The following PSD variants were observed in gnomAD, a reference collection of about 807,000 sequenced individuals.
The protein encoded by PSD is PH and SEC7 domain-containing protein 1.
In PSD, 32 loss-of-function variants were observed where a neutral mutation model predicts 91.6. That is an observed-to-expected ratio of 0.35 (90% CI 0.26 to 0.47). The LOEUF is 0.47. Ranked by LOEUF, PSD falls within the 20% of genes least tolerant of loss-of-function variation. The pLI is 1.00. For synonymous variants in PSD, 532 were observed against 569.3 expected, an observed-to-expected ratio of 0.93 and a Z score of 0.93; for missense variants, 1,099 against 1,373.9, an observed-to-expected ratio of 0.80 and a Z score of 3.16.
chr10:102,412,565 G>A lies in PSD; in HGVS notation c.1564C>T (p.Leu522=). ...TCTGAGTCGGACACCAGCTGGCTCA[G>A]GGGTGGTTCGCTGCCGGGGTAGAAC... ...GAAPLGSEPP[L]SQLVSDSDSE... is the part of the protein sequence containing the mutation. Residue 522 remains leucine, a synonymous_variant, in exon 6 of 17, where the codon CTG becomes TTG. Transcript: ENST00000020673. 1.2e-6 allele frequency: 2 copies of A among 1,611,022 alleles called. No individual in the cohort carries two copies. The highest frequency in any genetic ancestry group is 1.7e-6 in the Non-Finnish European group (2 of 1,177,986).
chr10:102,413,862 G>T lies in PSD; in HGVS notation c.1460C>A (p.Ala487Glu). The T allele has an allele frequency of 6.2e-7, 1 of 1,613,880 alleles. No homozygotes were observed. Among genetic ancestry groups the T allele is most frequent in the South Asian group, 1.1e-5 (1 of 91,076 alleles). The change falls in exon 5 of 17, where the codon GCA becomes GAA. Residue 487 changes from alanine (A) to glutamate (E), a missense_variant. Transcript: ENST00000020673. ...PWTQRGEEEE[A>E]EARAKLAPGR... The stretch of plus-strand genomic sequence containing the variant: ...TGGGGCCAGCTTGGCTCTGGCCTCT[G>T]CCTCCTCCTCCTCCCCTCTCTGTGT...
chr10:102,411,233 A>C, intron 8 of PSD, 117 bp from the exon 9 acceptor site: 1 of 895,996 alleles, frequency 1.1e-6, no homozygotes, highest in Non-Finnish European at 1.7e-6. Flanking sequence ...CTACCTCCTG[A>C]ACCCCGCTAG....
At position 102,414,926 on chromosome 10, in the gene PSD, T is replaced by C. The variant is rs368495324; in HGVS notation, c.1061A>G (p.Asp354Gly). 26 of 1,527,362 alleles carry C rather than the reference T, an allele frequency of 1.7e-5. No homozygotes were observed. Among genetic ancestry groups the C allele is most frequent in the Admixed American group, 5.7e-5 (3 of 52,586 alleles). 94.6% of individuals were successfully genotyped at this position (1,527,362 alleles called of 1,614,324 possible). A position where few individuals can be genotyped will look rare whatever the true frequency, so the allele number is the denominator to read the frequency against. ...SLGSGNEDED[D>G]DEAGGEEDVD... ...ATCTTCTTCCCCACCTGCCTCATCGTCGTCCTCATCCTCATTGCCACTGCC... is the reference window on the plus strand; with the variant it reads ...ATCTTCTTCCCCACCTGCCTCATCGCCGTCCTCATCCTCATTGCCACTGCC... The change falls in exon 4 of 17, where the codon GAC becomes GGC. Residue 354 changes from aspartate to glycine, a missense_variant. By Grantham distance (94) the Asp-to-Gly change is moderately conservative. Coordinates refer to ENST00000020673, the MANE Select transcript of PSD (RefSeq NM_002779.5). This position sits in a 1 kb window ranked among gnomAD's most constrained non-coding sequence, Gnocchi z 5.6.
In PSD at chr10:102,409,809, C is replaced by T. The variant is rs544449159; in HGVS notation, c.2091+1049G>A. 6.6e-6 allele frequency among the ~76,000 whole-genome samples: 1 copy of T among 152,262 alleles called. No individual in the cohort carries two copies. The highest frequency in any genetic ancestry group is 2.1e-4 in the South Asian group (1 of 4,832). On this transcript the variant is annotated intron_variant, in intron 10 of 16. Coordinates refer to ENST00000020673, the MANE Select transcript of PSD (RefSeq NM_002779.5). This position sits in a 1 kb window ranked among gnomAD's most constrained non-coding sequence, Gnocchi z 5.7. ...AGAATCTTTAGCTCACAAAGATACA[C>T]CCCCTACTCAGAGGCATATGGCATA...
At chr10:102,418,962 A>T, upstream of PSD, 1 of 339,936 alleles carries the variant, frequency 2.9e-6, no homozygotes, top group Non-Finnish European at 5.9e-6. Flanking sequence ...CGCCCCAGAC[A>T]AGGAGGAGGG....
Position 102,402,871 on chromosome 10 carries a change from G to A in PSD, c.*329C>T, listed in dbSNP as rs2061295622. The A allele has an allele frequency of 3.5e-6, 1 of 281,796 alleles. No individual in the cohort carries two copies. Among genetic ancestry groups the A allele is most frequent in the African/African-American group, 2.2e-5 (1 of 45,528 alleles). 17.5% of individuals were successfully genotyped at this position (281,796 alleles called of 1,614,324 possible). Reference sequence around the variant, plus strand: ...GGGGACTGATGGTGTCAGGGTGGGGGTGGTCTCAGCAGAAAGCAGAAACGG... The same window carrying A: ...GGGGACTGATGGTGTCAGGGTGGGGATGGTCTCAGCAGAAAGCAGAAACGG... On this transcript the variant is annotated 3_prime_UTR_variant, in exon 17 of 17. Coordinates refer to ENST00000020673, the MANE Select transcript of PSD (RefSeq NM_002779.5).
Position 102,414,326 on chromosome 10 carries a change from C to CA in PSD, c.1125-130dup. The CA allele has an allele frequency of 1.1e-6, 1 of 945,932 alleles. No individual in the cohort carries two copies. The highest frequency in any genetic ancestry group is 1.6e-6 in the Non-Finnish European group (1 of 642,696). 58.6% of individuals were successfully genotyped at this position (945,932 alleles called of 1,614,324 possible). ...CTTTTCACTGGCTCCAGCCCACTAACAAAAAAGAGCCTCTAGGGTAGGGCG... is the reference window on the plus strand; with the variant it reads ...CTTTTCACTGGCTCCAGCCCACTAACAAAAAAAGAGCCTCTAGGGTAGGGCG... On this transcript the variant is annotated intron_variant, in intron 4 of 16. Transcript: ENST00000020673. The surrounding 1 kb of genome is among the most constrained non-coding windows in gnomAD (Gnocchi z 5.6).
chr10:102,416,537 G>A lies in PSD; in HGVS notation c.502C>T (p.Pro168Ser), dbSNP rs1205685383. 2 of 1,609,616 alleles carry A rather than the reference G, an allele frequency of 1.2e-6. No individual in the cohort carries two copies. Among genetic ancestry groups the A allele is most frequent in the Non-Finnish European group, 8.5e-7 (1 of 1,178,112 alleles). The change falls in exon 2 of 17, where the codon CCT (proline) becomes TCT (serine). Residue 168 changes from proline to serine, a missense_variant. Pro to Ser is a moderately conservative substitution (Grantham distance 74). This residue lies in a region of PSD where 631 missense variants were observed against 728.8 expected (regional missense o/e 0.87). Coordinates refer to ENST00000020673, the MANE Select transcript of PSD (RefSeq NM_002779.5). This position sits in a 1 kb window ranked among gnomAD's most constrained non-coding sequence, Gnocchi z 6.0. Reference sequence around the variant, plus strand: ...CCATGTACAAGGTTCCGGCTGCCAGGTAGGGCCGAGCCTCCTCTGGCGGGG... The same window carrying A: ...CCATGTACAAGGTTCCGGCTGCCAGATAGGGCCGAGCCTCCTCTGGCGGGG... ...PLPARGGSAL[P>S]GSRNLVHGPP...
rs1431572227 is a variant in PSD, at chr10:102,413,935, G to A, written c.1387C>T (p.Pro463Ser). The A allele has an allele frequency of 1.9e-6, 3 of 1,614,046 alleles. No individual in the cohort carries two copies. Among genetic ancestry groups the A allele is most frequent in the Non-Finnish European group, 2.5e-6 (3 of 1,179,940 alleles). ...PDPPAPAPLA[P>S]LEPDSGTSSA... is the part of the protein sequence containing the mutation. ...CTGGTACCAGAATCCGGTTCAAGAG[G>A]GGCAAGTGGGGCGGGAGCTGGTGGG... Residue 463 changes from proline to serine, a missense_variant, in exon 5 of 17, where the codon CCT becomes TCT. Transcript: ENST00000020673.
rs1185188099 is a variant in PSD at position 102,413,639 on chromosome 10, C to T, written c.1553+130G>A. 6.6e-6 allele frequency: 6 copies of T among 906,596 alleles called. No individual in the cohort carries two copies. The African/African-American group carries it at 8.4e-5, about 13-fold the overall frequency. 56.2% of individuals were successfully genotyped at this position (906,596 alleles called of 1,614,324 possible). A position where few individuals can be genotyped will look rare whatever the true frequency, so the allele number is the denominator to read the frequency against. Reference sequence around the variant, plus strand: ...CCTCCAAATAGGAAAACAGGATCTGCATCCCTTAACCACCCCTACTCAGGG... The same window carrying T: ...CCTCCAAATAGGAAAACAGGATCTGTATCCCTTAACCACCCCTACTCAGGG... On this transcript the variant is annotated intron_variant, in intron 5 of 16. Coordinates refer to ENST00000020673, the MANE Select transcript of PSD (RefSeq NM_002779.5).
chr10:102,409,596 G>T lies in PSD; in HGVS notation c.2091+1262C>A, dbSNP rs1190963537. Among the ~76,000 whole-genome samples, 2 of 152,088 alleles carry T rather than the reference G, an allele frequency of 1.3e-5. No individual in the cohort carries two copies. The highest frequency in any genetic ancestry group is 2.9e-5 in the Non-Finnish European group (2 of 67,990). On this transcript the variant is annotated intron_variant, in intron 10 of 16. Coordinates refer to ENST00000020673, the MANE Select transcript of PSD (RefSeq NM_002779.5). This position sits in a 1 kb window ranked among gnomAD's most constrained non-coding sequence, Gnocchi z 5.7. ...CACTGAGCCAAGAGGGGCCTCGAGG[G>T]AGGACGGAGGCAGGGAAGGAACAGC...
Sources: gnomAD v4.1 joint callset for allele counts (sites outside exome capture counted in the v4.1 genomes callset) on GRCh38, gnomAD v4.1.1 for gene constraint, gnomAD v4.1.1 regional missense constraint, Gnocchi (gnomAD v3.1) non-coding constraint, MANE v1.5 for transcripts, NCBI Gene and HGNC (gene_info 2026-07-23, HGNC 2026-07-21) for gene names.